RABGEF1: variants seen among roughly 807,000 people sequenced by gnomAD.
RABGEF1 encodes the protein rab5 GDP/GTP exchange factor.
A neutral mutation model predicts 57.3 loss-of-function variants in RABGEF1; 26 were observed. That is an observed-to-expected ratio of 0.45 (90% confidence interval 0.33 to 0.63). The LOEUF is 0.63. RABGEF1 is among the 20% of genes least tolerant of loss of function. The pLI is 0.02. For missense variants in RABGEF1, 464 were observed against 607.6 expected (o/e 0.76, Z 2.48); for synonymous variants, 185 against 210.7 (o/e 0.88, Z 1.06).
the RABGEF1 span, among the ~76,000 whole-genome samples, chr7:66,656,270 C>T: frequency 6.6e-6 from 1 of 152,048 alleles, no homozygotes; most frequent in African/African-American, 2.4e-5. Flanking sequence ...ATGCGTGCCA[C>T]CACACCCAGC....
rs1215137753 is a variant in RABGEF1, at chr7:66,809,608, AACAAATGAATGCT to A, written c.*330_*342del. On this transcript the variant is annotated 3_prime_UTR_variant, in exon 9 of 9. Transcript: ENST00000284957. ...TAAATAATTGCCTTTTAAAGGATTA[AACAAATGAATGCT>A]ACAAAGTGTATGTTCAAGAAAATTA... 1 of 208,962 alleles carries A rather than the reference AACAAATGAATGCT, an allele frequency of 4.8e-6. No homozygotes were observed. The highest frequency in any genetic ancestry group is 5.5e-5 in the Admixed American group (1 of 18,098). The allele number at this position is 208,962 out of a possible 1,614,324, so 12.9% of individuals were successfully genotyped here. A position where few individuals can be genotyped will look rare whatever the true frequency, so the allele number is the denominator to read the frequency against.
At chr7:66,681,664 A>G (rs1415877980), upstream of RABGEF1, among the ~76,000 whole-genome samples, 1 of 152,108 alleles carries the variant, frequency 6.6e-6, no homozygotes, top group Non-Finnish European at 1.5e-5. Context: ...TGGGCCTCCT[A>G]AAGATTCAGC....
the RABGEF1 span, among the ~76,000 whole-genome samples, chr7:66,665,739 T>G: frequency 6.6e-6 from 1 of 152,082 alleles, no homozygotes; most frequent in Non-Finnish European, 1.5e-5. Context: ...TCTGGGCAAG[T>G]GTGTTGTTGT....
At chr7:66,704,805 C>G (rs1408854851) in intron 1 of RABGEF1, among the ~76,000 whole-genome samples, 1 of 148,738 alleles carries the variant, frequency 6.7e-6, no homozygotes, top group African/African-American at 2.5e-5. Flanking sequence ...AGTGAGACTC[C>G]GTCTCAAAAA....
chr7:66,721,132 T>C (rs1796004808), intron 2 of RABGEF1, among the ~76,000 whole-genome samples: 1 of 152,192 alleles, frequency 6.6e-6, no homozygotes, highest in African/African-American at 2.4e-5. Context: ...TTGGCCAGGC[T>C]GCTCTCGAAC....
chr7:66,676,147 T>G, the RABGEF1 span, among the ~76,000 whole-genome samples: 3 of 151,932 alleles, frequency 2.0e-5, no homozygotes, highest in Non-Finnish European at 4.4e-5. Context: ...TGGCAAAACC[T>G]CATCTCCACT....
At chr7:66,733,884 A>C (rs994472813) in intron 2 of RABGEF1, among the ~76,000 whole-genome samples, 33 of 152,122 alleles carry the variant, frequency 2.2e-4, no homozygotes, top group African/African-American at 8.0e-4. Context: ...ACACCCTTGT[A>C]ATCCCAGCTC....
chr7:66,767,000 CTTTTTTTTT>C (rs34123866), intron 1 of RABGEF1, among the ~76,000 whole-genome samples: 1 of 102,600 alleles, frequency 9.7e-6, no homozygotes, highest in Admixed American at 1.1e-4. Context: ...TGTCAAGTTT[CTTTTTTTTT>C]TTTTTTTTTT....
the RABGEF1 span, among the ~76,000 whole-genome samples, chr7:66,662,200 C>T: frequency 6.6e-6 from 1 of 150,858 alleles, no homozygotes; most frequent in African/African-American, 2.4e-5. Context: ...GATCGTACCA[C>T]TGCACTCCTG....
chr7:66,707,383 A>G (rs1000406600), intron 1 of RABGEF1, among the ~76,000 whole-genome samples: 12 of 151,862 alleles, frequency 7.9e-5, no homozygotes, highest in Non-Finnish European at 1.6e-4. Flanking sequence ...TCTGATATCT[A>G]GTTGTTCTCT....
At chr7:66,694,515 A>G (rs950411418) in intron 1 of RABGEF1, among the ~76,000 whole-genome samples, 8 of 152,248 alleles carry the variant, frequency 5.3e-5, no homozygotes, top group Non-Finnish European at 1.2e-4. Context: ...GAAGCCAGCA[A>G]AGGGCATTGA....
At chr7:66,660,736 C>T in the RABGEF1 span, among the ~76,000 whole-genome samples, 2 of 152,222 alleles carry the variant, frequency 1.3e-5, no homozygotes, top group African/African-American at 2.4e-5. Context: ...TTTTACCAGT[C>T]AGTTCTACCA....
intron 2 of RABGEF1, among the ~76,000 whole-genome samples, chr7:66,728,542 T>C (rs1340368658): frequency 2.4e-5 from 3 of 125,988 alleles, no homozygotes; most frequent in Non-Finnish European, 4.7e-5. Context: ...CACCAGTGTC[T>C]TCACCATTTT....
At chr7:66,737,073 T>A (rs151240046), upstream of RABGEF1, among the ~76,000 whole-genome samples, 2,938 of 115,580 alleles carry the variant, frequency 0.025, 2 homozygotes, top group Middle Eastern at 0.031. Context: ...AGAGAGAGAG[T>A]GAGAGAGAGA....
At position 66,809,008 on chromosome 7, in the gene RABGEF1, T is replaced by G; in HGVS notation, c.1200T>G (p.Ser400=). The change falls in exon 9 of 9, where the codon TCT becomes TCG. Residue 400 remains serine, a synonymous_variant. Coordinates refer to ENST00000284957, the MANE Select transcript of RABGEF1 (RefSeq NM_014504.3). ...SPRKQEAESW[S]PDACLGVKQM... Reference sequence around the variant, plus strand: ...GGAAGCAAGAAGCTGAGAGTTGGTCTCCTGATGCTTGCTTAGGCGTCAAGC... The same window carrying G: ...GGAAGCAAGAAGCTGAGAGTTGGTCGCCTGATGCTTGCTTAGGCGTCAAGC... 6.2e-7 allele frequency: 1 copy of G among 1,614,158 alleles called. No homozygotes were observed. Among genetic ancestry groups the G allele is most frequent in the Non-Finnish European group, 8.5e-7 (1 of 1,180,032 alleles).
chr7:66,764,661 A>G (rs1184713846), intron 1 of RABGEF1, among the ~76,000 whole-genome samples: 1 of 152,210 alleles, frequency 6.6e-6, no homozygotes, highest in Non-Finnish European at 1.5e-5. Flanking sequence ...AACATCTAAC[A>G]TCGTTCTTTT....
chr7:66,723,708 G>A (rs1374864983), intron 2 of RABGEF1, among the ~76,000 whole-genome samples: 1 of 132,814 alleles, frequency 7.5e-6, no homozygotes, highest in African/African-American at 2.5e-5. Context: ...AGCCTCCTGA[G>A]TAGCTGGGAT....
chr7:66,737,945 T>C (rs1413325142), upstream of RABGEF1, among the ~76,000 whole-genome samples: 1 of 152,206 alleles, frequency 6.6e-6, no homozygotes, highest in African/African-American at 2.4e-5. Flanking sequence ...CCCTCATCTT[T>C]TATTCAGGTC....
chr7:66,729,201 C>T (rs752377570), intron 2 of RABGEF1, among the ~76,000 whole-genome samples: 8 of 151,546 alleles, frequency 5.3e-5, no homozygotes, highest in Admixed American at 1.3e-4. Context: ...CCACCCACCT[C>T]GGCCTCCCAA....
Sources: gnomAD v4.1 joint callset for allele counts (sites outside exome capture counted in the v4.1 genomes callset) on GRCh38, gnomAD v4.1.1 for gene constraint, MANE v1.5 for transcripts, NCBI Gene and HGNC (gene_info 2026-07-23, HGNC 2026-07-21) for gene names.